The following MAST2 variants were observed in gnomAD, a reference collection of about 807,000 sequenced individuals.
The protein encoded by MAST2 is microtubule-associated serine/threonine-protein kinase 2.
Under a neutral mutation model 147.4 loss-of-function variants are expected in MAST2, and 70 were observed. That is an observed-to-expected ratio of 0.47 (90% CI 0.39 to 0.58). The LOEUF (loss-of-function observed/expected upper bound fraction) is 0.58, where lower values mean the gene tolerates loss of function less well. Ranked by LOEUF, MAST2 falls within the 20% of genes least tolerant of loss-of-function variation. The pLI, the probability that MAST2 is intolerant of heterozygous loss-of-function variation, is 0.00. For synonymous variants in MAST2, 869 were observed against 896.8 expected, an observed-to-expected ratio of 0.97 and a Z score of 0.55; for missense variants, 2,080 against 2,302.3, an observed-to-expected ratio of 0.90 and a Z score of 1.98.
intron 4 of MAST2, chr1:45,913,818 G>C: frequency 8.4e-7 from 1 of 1,194,570 alleles, no homozygotes; most frequent in Non-Finnish European, 1.1e-6. Context: ...CAAAACTTGA[G>C]TAGCCAGGAG....
intron 5 of MAST2, among the ~76,000 whole-genome samples, chr1:45,971,807 A>G (rs1357913270): frequency 6.6e-6 from 1 of 152,202 alleles, no homozygotes; most frequent in Non-Finnish European, 1.5e-5. Context: ...TTCTTTTTGT[A>G]TATATGTACA....
intron 10 of MAST2, among the ~76,000 whole-genome samples, chr1:46,015,461 A>C (rs1320309718): frequency 1.3e-5 from 2 of 152,254 alleles, no homozygotes; most frequent in Non-Finnish European, 2.9e-5. Context: ...GAGAAGAATC[A>C]AATAGGCACA....
chr1:45,970,815 T>C (rs1044354536), intron 5 of MAST2, among the ~76,000 whole-genome samples: 15 of 151,006 alleles, frequency 9.9e-5, no homozygotes, highest in Non-Finnish European at 1.9e-4. Flanking sequence ...TTTTTTTTTT[T>C]CTCCTCCAGT....
intron 4 of MAST2, among the ~76,000 whole-genome samples, chr1:45,930,487 T>C (rs999518607): frequency 1.3e-5 from 2 of 152,070 alleles, no homozygotes; most frequent in Non-Finnish European, 2.9e-5. Flanking sequence ...ATGCATTCAT[T>C]CATTCATTCA....
At chr1:46,002,759 G>A (rs146714358) in intron 6 of MAST2, 46 bp from the exon 7 acceptor site, 14 of 1,563,586 alleles carry the variant, frequency 9.0e-6, no homozygotes, top group Non-Finnish European at 1.1e-5. Flanking sequence ...TTGTGGGTCA[G>A]GGTGTAGTCC....
intron 4 of MAST2, among the ~76,000 whole-genome samples, chr1:45,935,829 C>T (rs973256073): frequency 6.6e-6 from 1 of 152,134 alleles, no homozygotes; most frequent in Non-Finnish European, 1.5e-5. Context: ...TATAATGCCT[C>T]TGGAATTGTT....
At chr1:45,995,558 G>A (rs1008190349) in intron 5 of MAST2, among the ~76,000 whole-genome samples, 1 of 152,118 alleles carries the variant, frequency 6.6e-6, no homozygotes, top group African/African-American at 2.4e-5. Context: ...AGAGATCCAC[G>A]CTGCCTCCTG....
Position 46,023,018 on chromosome 1 carries a change from G to A in MAST2, c.1485+47G>A, listed in dbSNP as rs1646253943. 6.5e-7 allele frequency: 1 copy of A among 1,547,826 alleles called. No homozygotes were observed. The highest frequency in any genetic ancestry group is 8.9e-7 in the Non-Finnish European group (1 of 1,121,696). On this transcript the variant is annotated intron_variant, in intron 13 of 28. Coordinates refer to ENST00000361297, the MANE Select transcript of MAST2 (RefSeq NM_015112.3). The surrounding 1 kb of genome is among the most constrained non-coding windows in gnomAD (Gnocchi z 4.9). The stretch of plus-strand genomic sequence containing the variant: ...CCCATTCCTGGAGCCTGGGCCCTAT[G>A]AAGCAAAGAGCTATGAATTCTCTTT...
intron 4 of MAST2, among the ~76,000 whole-genome samples, chr1:45,949,904 T>C (rs1444889522): frequency 6.6e-6 from 1 of 152,186 alleles, no homozygotes; most frequent in Non-Finnish European, 1.5e-5. Context: ...AACAAGATCA[T>C]GTCTTTTGCG....
chr1:45,832,655 C>T (rs1000662342), intron 3 of MAST2, among the ~76,000 whole-genome samples: 6 of 152,164 alleles, frequency 3.9e-5, no homozygotes, highest in Non-Finnish European at 8.8e-5. Context: ...ACTACTGCCA[C>T]CATGATACAG....
intron 4 of MAST2, among the ~76,000 whole-genome samples, chr1:45,900,850 T>C (rs991720772): frequency 2.6e-5 from 4 of 152,180 alleles, no homozygotes; most frequent in Non-Finnish European, 5.9e-5. Flanking sequence ...TTTAGCAGAT[T>C]TATTTGTTTT....
At chr1:45,997,869 G>C in intron 6 of MAST2, 70 bp downstream of exon 6, 2 of 1,262,148 alleles carry the variant, frequency 1.6e-6, no homozygotes, top group Middle Eastern at 1.9e-4. Context: ...TTGAATGTCA[G>C]ATTCCTCCTT....
At chr1:45,985,364 G>T (rs1644572105) in intron 5 of MAST2, among the ~76,000 whole-genome samples, 1 of 152,086 alleles carries the variant, frequency 6.6e-6, no homozygotes, top group African/African-American at 2.4e-5. Flanking sequence ...AAAGTGCTGG[G>T]ATTACAGGCG....
At chr1:45,825,729 C>T (rs1402665373) in intron 2 of MAST2, among the ~76,000 whole-genome samples, 10 of 151,852 alleles carry the variant, frequency 6.6e-5, no homozygotes, top group Non-Finnish European at 1.0e-4. Context: ...TGAGCCACCA[C>T]GCCTGCCTGG....
In MAST2 at chr1:45,946,508, G is replaced by A. The variant is rs185025602; in HGVS notation, c.501-12878G>A. ...AGTGTTCTTAGTCTATTAAATTCAT[G>A]ATATCTTGGGCTTGGCATTCCAGGT... On this transcript the variant is annotated intron_variant, in intron 4 of 28. Coordinates refer to ENST00000361297, the MANE Select transcript of MAST2 (RefSeq NM_015112.3). Among the ~76,000 whole-genome samples the A allele has an allele frequency of 4.6e-5, 7 of 152,168 alleles. No homozygotes were observed. The East Asian group carries it at 1.4e-3, about 29-fold the overall frequency.
intron 4 of MAST2, among the ~76,000 whole-genome samples, chr1:45,884,492 C>T (rs375362658): frequency 6.6e-6 from 1 of 152,148 alleles, no homozygotes; most frequent in Admixed American, 6.5e-5. Flanking sequence ...ACGGAGGTTG[C>T]AGTGAGCTGA....
intron 1 of MAST2, among the ~76,000 whole-genome samples, chr1:45,813,519 A>G (rs1177075131): frequency 7.0e-6 from 1 of 142,846 alleles, no homozygotes; most frequent in Non-Finnish European, 1.5e-5. Context: ...TTTTTTTGAG[A>G]CGAAGTTTTG....
At chr1:45,818,441 A>C (rs1353425901) in intron 1 of MAST2, among the ~76,000 whole-genome samples, 1 of 152,192 alleles carries the variant, frequency 6.6e-6, no homozygotes, top group East Asian at 1.9e-4. Flanking sequence ...AGTGTGATCG[A>C]GAAGTGGTTC....
intron 19 of MAST2, 30 bp from the exon 20 acceptor site, chr1:46,029,801 C>T: frequency 6.2e-7 from 1 of 1,612,046 alleles, no homozygotes; most frequent in Non-Finnish European, 8.5e-7. Flanking sequence ...GCTCATCCTA[C>T]CCCCTTGCCC....
Sources: allele counts gnomAD v4.1 joint callset (sites outside exome capture counted in the v4.1 genomes callset), GRCh38; gene constraint gnomAD v4.1.1; non-coding constraint Gnocchi (gnomAD v3.1); transcripts MANE v1.5; gene names NCBI Gene and HGNC (gene_info 2026-07-23, HGNC 2026-07-21).